GRIN2B: variants seen among roughly 807,000 people sequenced by gnomAD.
GRIN2B encodes glutamate receptor ionotropic, NMDA 2B.
A neutral mutation model predicts 114.5 loss-of-function variants in GRIN2B; 5 were observed. That is an observed-to-expected ratio of 0.04 (90% CI 0.02 to 0.09). GRIN2B has a LOEUF of 0.09. Ranked by LOEUF, GRIN2B falls within the 10% of genes least tolerant of loss-of-function variation. The pLI is 1.00. For missense variants in GRIN2B, 1,108 were observed against 1,943.5 expected (o/e 0.57, Z 8.08); for synonymous variants, 787 against 745.1 (o/e 1.06, Z -0.92).
intron 3 of GRIN2B, among the ~76,000 whole-genome samples, chr12:13,842,924 T>TTC (rs1019550927): frequency 2.4e-4 from 18 of 74,844 alleles, no homozygotes; most frequent in African/African-American, 1.0e-3. Context: ...TTTCTTTTTT[T>TTC]TTTTTTTTTT....
chr12:13,700,675 T>A (rs2136568177), intron 4 of GRIN2B, among the ~76,000 whole-genome samples: 1 of 152,184 alleles, frequency 6.6e-6, no homozygotes, highest in East Asian at 1.9e-4. Context: ...ACCTTGGGAG[T>A]GGATCCTCCA....
intron 5 of GRIN2B, among the ~76,000 whole-genome samples, chr12:13,622,788 T>C (rs1949530988): frequency 6.6e-6 from 1 of 152,112 alleles, no homozygotes; most frequent in Non-Finnish European, 1.5e-5. Context: ...AAATTCACTC[T>C]CTCAATAACC....
At chr12:13,854,729 C>T (rs1403406191) in intron 3 of GRIN2B, among the ~76,000 whole-genome samples, 8 of 152,108 alleles carry the variant, frequency 5.3e-5, no homozygotes, top group Admixed American at 4.6e-4. Context: ...ACCCAAACTG[C>T]ATGTCCAATG....
In GRIN2B at chr12:13,685,477, T is replaced by C. The variant is rs142940521; in HGVS notation, c.1011-9618A>G. ...GCAGAGTTCTTCAAGTGAAGATTTATAGAAGTGATTATGTTGAATTGGGAG... is the reference window on the plus strand; with the variant it reads ...GCAGAGTTCTTCAAGTGAAGATTTACAGAAGTGATTATGTTGAATTGGGAG... On this transcript the variant is annotated intron_variant, in intron 4 of 13. Coordinates refer to ENST00000609686, the MANE Select transcript of GRIN2B (RefSeq NM_000834.5). Among the ~76,000 whole-genome samples, 5 of 152,286 alleles carry C rather than the reference T, an allele frequency of 3.3e-5. No individual in the cohort carries two copies. In the East Asian group the frequency reaches 9.7e-4, roughly 29 times the overall value.
chr12:13,616,716 G>A (rs761468824), intron 5 of GRIN2B, 59 bp from the exon 6 acceptor site: 4 of 1,349,376 alleles, frequency 3.0e-6, no homozygotes, highest in Non-Finnish European at 4.3e-6. Flanking sequence ...CAAACAGCCT[G>A]TCCCAGTATT....
intron 4 of GRIN2B, among the ~76,000 whole-genome samples, chr12:13,685,965 G>A (rs185246813): frequency 1.1e-4 from 16 of 152,242 alleles, no homozygotes; most frequent in Admixed American, 1.0e-3. Context: ...CAGGAAATTT[G>A]TACTAGATGG....
At chr12:13,880,905 C>A (rs983686750) in intron 2 of GRIN2B, among the ~76,000 whole-genome samples, 1 of 152,164 alleles carries the variant, frequency 6.6e-6, no homozygotes, top group Non-Finnish European at 1.5e-5. Context: ...GGTTGTTCCA[C>A]AGCCTATTTG....
intron 5 of GRIN2B, among the ~76,000 whole-genome samples, chr12:13,671,439 C>T (rs1344292316): frequency 6.6e-6 from 1 of 152,148 alleles, no homozygotes; most frequent in Non-Finnish European, 1.5e-5. Flanking sequence ...ATGTGTAAGA[C>T]TGTAGCATTG....
intron 4 of GRIN2B, among the ~76,000 whole-genome samples, chr12:13,715,034 C>T (rs920089580): frequency 2.6e-5 from 4 of 151,714 alleles, no homozygotes; most frequent in Non-Finnish European, 5.9e-5. Context: ...TAGTTCTTAG[C>T]GCATTGCTGG....
chr12:13,679,368 G>A (rs1455044120), intron 4 of GRIN2B, among the ~76,000 whole-genome samples: 1 of 152,168 alleles, frequency 6.6e-6, no homozygotes, highest in Admixed American at 6.6e-5. Flanking sequence ...TGAACTTGCA[G>A]AAAATAAATC....
rs776763916 is a variant in GRIN2B, at chr12:13,753,798, G to A, written c.529C>T (p.Pro177Ser). 1.2e-6 allele frequency: 2 copies of A among 1,613,572 alleles called. No homozygotes were observed. The highest frequency in any genetic ancestry group is 1.1e-5 in the South Asian group (1 of 91,050). ...TTGTTTACAAAGTCCTGGTAGCCAG[G>A]GAAATAGGTGGTGACGATAGAAAAG... ...YIFSIVTTYFPGYQDFVNKIR... is the reference protein window; with the variant it reads ...YIFSIVTTYFSGYQDFVNKIR... Residue 177 changes from proline (P) to serine (S), a missense_variant, in exon 4 of 14, where the codon CCT becomes TCT. By Grantham distance (74) the Pro-to-Ser change is moderately conservative (BLOSUM62 -1). Coordinates refer to ENST00000609686, the MANE Select transcript of GRIN2B (RefSeq NM_000834.5). This position sits in a 1 kb window ranked among gnomAD's most constrained non-coding sequence, Gnocchi z 6.2.
chr12:13,710,246 T>A (rs988309189), intron 4 of GRIN2B, among the ~76,000 whole-genome samples: 1 of 152,050 alleles, frequency 6.6e-6, no homozygotes, highest in Non-Finnish European at 1.5e-5. Flanking sequence ...ATAAGAGCTA[T>A]CTATGACAAA....
chr12:13,680,436 TTGTGTGTGTGTGTG>T (rs56755720), intron 4 of GRIN2B, among the ~76,000 whole-genome samples: 1,949 of 123,548 alleles, frequency 0.016, 34 homozygotes, highest in African/African-American at 0.048. Flanking sequence ...CCCATCAAGG[TTGTGTGTGTGTGTG>T]TGTGTGTGTG....
At chr12:13,875,974 T>C (rs892258771) in intron 2 of GRIN2B, among the ~76,000 whole-genome samples, 5 of 152,170 alleles carry the variant, frequency 3.3e-5, no homozygotes, top group African/African-American at 1.2e-4. Context: ...AACAGGAAAT[T>C]ACAGTATCAT....
intron 2 of GRIN2B, among the ~76,000 whole-genome samples, chr12:13,951,373 A>G (rs951115981): frequency 1.3e-5 from 2 of 152,302 alleles, no homozygotes; most frequent in Middle Eastern, 6.8e-3. Flanking sequence ...GAGAGCATTC[A>G]TTCCAGGGAA....
chr12:13,851,744 T>C (rs138152527), intron 3 of GRIN2B, among the ~76,000 whole-genome samples: 1 of 152,364 alleles, frequency 6.6e-6, no homozygotes, highest in Non-Finnish European at 1.5e-5. Context: ...CAGCTCATTA[T>C]GTCAAACTGT....
At chr12:13,622,406 C>T (rs1393401132) in intron 5 of GRIN2B, among the ~76,000 whole-genome samples, 1 of 152,154 alleles carries the variant, frequency 6.6e-6, no homozygotes, top group Non-Finnish European at 1.5e-5. Flanking sequence ...GCCTCAGACT[C>T]TGAATAGAGC....
chr12:13,619,645 T>G (rs1331601885), intron 5 of GRIN2B, among the ~76,000 whole-genome samples: 1 of 152,260 alleles, frequency 6.6e-6, no homozygotes, highest in Non-Finnish European at 1.5e-5. Context: ...GGCACTGGGC[T>G]ATGTGCTAGA....
chr12:13,558,982 G>C lies in GRIN2B; in HGVS notation c.*3801C>G, dbSNP rs1298566818. On this transcript the variant is annotated 3_prime_UTR_variant, in exon 14 of 14. Transcript: ENST00000609686. ...AAGGGAATGATAGAGGGTACAAAGC[G>C]AGAAAGCATGGATTCTGAAGAACAT... 1 of 152,226 alleles carries C rather than the reference G, an allele frequency of 6.6e-6. No individual in the cohort carries two copies. Among genetic ancestry groups the C allele is most frequent in the African/African-American group, 2.4e-5 (1 of 41,454 alleles). The allele number at this position is 152,226 out of a possible 1,614,324, so 9.4% of individuals were successfully genotyped here. A position where few individuals can be genotyped will look rare whatever the true frequency, so the allele number is the denominator to read the frequency against.
Sources: allele counts gnomAD v4.1 joint callset (sites outside exome capture counted in the v4.1 genomes callset), GRCh38; gene constraint gnomAD v4.1.1; non-coding constraint Gnocchi (gnomAD v3.1); transcripts MANE v1.5; gene names NCBI Gene and HGNC (gene_info 2026-07-23, HGNC 2026-07-21).